DLG2: variants seen among roughly 807,000 people sequenced by gnomAD.
DLG2 encodes the protein disks large homolog 2.
DLG2 carries 45 observed loss-of-function variants against 132.5 expected under a neutral mutation model. That is an observed-to-expected ratio of 0.34 (90% confidence interval 0.27 to 0.44). The LOEUF (loss-of-function observed/expected upper bound fraction) is 0.44, where lower values mean the gene tolerates loss of function less well. Ranked by LOEUF, DLG2 falls within the 20% of genes least tolerant of loss-of-function variation. The pLI is 1.00. For synonymous variants in DLG2, 424 were observed against 419.6 expected, an observed-to-expected ratio of 1.01 and a Z score of -0.13; for missense variants, 1,045 against 1,196.9, an observed-to-expected ratio of 0.87 and a Z score of 1.87.
At chr11:85,247,712 T>C (rs1052110689) in intron 4 of DLG2, among the ~76,000 whole-genome samples, 2 of 152,090 alleles carry the variant, frequency 1.3e-5, no homozygotes, top group African/African-American at 4.8e-5. Flanking sequence ...TTTCTGTCTC[T>C]TGAAAAGTCT....
At chr11:85,610,037 G>A (rs1367012585) in intron 2 of DLG2, among the ~76,000 whole-genome samples, 1 of 152,094 alleles carries the variant, frequency 6.6e-6, no homozygotes, top group Non-Finnish European at 1.5e-5. Context: ...TCCATTTGTT[G>A]TCCCCTACTT....
At chr11:83,925,289 A>G (rs990136370) in intron 15 of DLG2, among the ~76,000 whole-genome samples, 3 of 152,132 alleles carry the variant, frequency 2.0e-5, no homozygotes, top group African/African-American at 7.2e-5. Context: ...TGTACAGGCT[A>G]TAAAAGGTTG....
At chr11:84,717,117 T>C (rs1409959834) in intron 6 of DLG2, among the ~76,000 whole-genome samples, 1 of 152,040 alleles carries the variant, frequency 6.6e-6, no homozygotes, top group South Asian at 2.1e-4. Context: ...CTGAGATAAT[T>C]AGAGCAAACA....
intron 2 of DLG2, among the ~76,000 whole-genome samples, chr11:85,605,176 A>G (rs2080440550): frequency 6.6e-6 from 1 of 152,210 alleles, no homozygotes; most frequent in African/African-American, 2.4e-5. Context: ...CTGAGAAGTC[A>G]TACCTATTTT....
At chr11:84,350,072 G>T (rs556439039) in intron 7 of DLG2, among the ~76,000 whole-genome samples, 3 of 151,554 alleles carry the variant, frequency 2.0e-5, no homozygotes, top group African/African-American at 7.3e-5. Flanking sequence ...CAGCTGCTCG[G>T]GAGGCTGAGG....
Position 84,388,872 on chromosome 11 carries a change from A to G in DLG2, c.520-137581T>C, listed in dbSNP as rs533352672. ...TGCTTAAATTTGTATTCCTTTGTTC[A>G]CTGACTACATTGAAATTCTTGGATG... On this transcript the variant is annotated intron_variant, in intron 7 of 27. Coordinates refer to ENST00000376104, the MANE Select transcript of DLG2 (RefSeq NM_001142699.3). Among the ~76,000 whole-genome samples the G allele has an allele frequency of 4.0e-4, 61 of 152,186 alleles. 1 individual carries two copies. The South Asian group carries it at 0.012, about 29-fold the overall frequency.
intron 7 of DLG2, among the ~76,000 whole-genome samples, chr11:84,301,602 T>C (rs2098154134): frequency 8.2e-6 from 1 of 122,610 alleles, no homozygotes; most frequent in Non-Finnish European, 1.6e-5. Flanking sequence ...GAGCTTGCAG[T>C]AAGCCGAGAT....
At chr11:84,147,570 A>G (rs2095131820) in intron 9 of DLG2, among the ~76,000 whole-genome samples, 1 of 152,194 alleles carries the variant, frequency 6.6e-6, no homozygotes, top group Non-Finnish European at 1.5e-5. Flanking sequence ...TCATGAGTTA[A>G]TAAAGAAAAG....
intron 7 of DLG2, among the ~76,000 whole-genome samples, chr11:84,366,097 A>G (rs2098680620): frequency 6.6e-6 from 1 of 152,162 alleles, no homozygotes; most frequent in South Asian, 2.1e-4. Flanking sequence ...GAAGCCCATC[A>G]GACTAACAGC....
intron 19 of DLG2, among the ~76,000 whole-genome samples, chr11:83,596,856 G>A (rs1394588145): frequency 2.6e-5 from 4 of 151,598 alleles, no homozygotes; most frequent in Non-Finnish European, 5.9e-5. Context: ...TATTTCAAAT[G>A]TTTCTTCTTA....
chr11:84,952,185 G>A (rs577990059), intron 6 of DLG2, among the ~76,000 whole-genome samples: 11 of 152,282 alleles, frequency 7.2e-5, no homozygotes, highest in East Asian at 1.9e-4. Flanking sequence ...AATCTAAGAC[G>A]TAAAGTAACT....
intron 6 of DLG2, among the ~76,000 whole-genome samples, chr11:84,629,209 C>T (rs972169804): frequency 1.3e-5 from 2 of 152,146 alleles, no homozygotes; most frequent in Non-Finnish European, 1.5e-5. Context: ...AATTCTGCAA[C>T]CCCTCCCCAC....
chr11:84,306,471 G>A lies in DLG2; in HGVS notation c.520-55180C>T, dbSNP rs549673413. Among the ~76,000 whole-genome samples, 11 of 152,248 alleles carry A rather than the reference G, an allele frequency of 7.2e-5. No homozygotes were observed. In the South Asian group the frequency reaches 2.3e-3, roughly 32 times the overall value. ...TGGTCTTCCAAAATGGGGAACAACT[G>A]ACAAAATTGCTAACAGAACAAAGTG... On this transcript the variant is annotated intron_variant, in intron 7 of 27. Transcript: ENST00000376104.
At chr11:85,495,920 A>AGC (rs1405730197) in intron 3 of DLG2, among the ~76,000 whole-genome samples, 1 of 152,214 alleles carries the variant, frequency 6.6e-6, no homozygotes, top group Admixed American at 6.5e-5. Context: ...AAAATGTGGC[A>AGC]CATGATTGGC....
intron 14 of DLG2, among the ~76,000 whole-genome samples, chr11:83,938,667 A>G (rs906132846): frequency 1.5e-4 from 23 of 152,204 alleles, no homozygotes; most frequent in African/African-American, 5.5e-4. Flanking sequence ...ATTTACCAAA[A>G]ACCTACTTTG....
intron 3 of DLG2, among the ~76,000 whole-genome samples, chr11:85,358,314 C>T (rs1012623007): frequency 3.9e-5 from 6 of 152,162 alleles, no homozygotes; most frequent in African/African-American, 1.4e-4. Context: ...TCTGTGTTTA[C>T]TCTCTTTCTA....
chr11:84,971,293 A>G (rs1447008629), intron 6 of DLG2, among the ~76,000 whole-genome samples: 1 of 152,086 alleles, frequency 6.6e-6, no homozygotes, highest in Non-Finnish European at 1.5e-5. Context: ...ACAGTATGCA[A>G]TCAAGCTAGA....
At chr11:85,010,207 A>G (rs2059031828) in intron 6 of DLG2, among the ~76,000 whole-genome samples, 1 of 152,122 alleles carries the variant, frequency 6.6e-6, no homozygotes, top group South Asian at 2.1e-4. Context: ...TCTATACTAT[A>G]ATAGCAACTA....
rs143776371 is a variant in DLG2, at chr11:85,193,170, C to A, written c.187-38519G>T. 6.9e-3 allele frequency among the ~76,000 whole-genome samples: 1,053 copies of A among 152,278 alleles called. 8 individuals are homozygous for A. The highest frequency in any genetic ancestry group is 0.011 in the Non-Finnish European group (777 of 68,018). ...TATTCTGGAATTTTATAAATTGAATCATATACTATATGCACTGGCTTTTTC... is the reference window on the plus strand; with the variant it reads ...TATTCTGGAATTTTATAAATTGAATAATATACTATATGCACTGGCTTTTTC... On this transcript the variant is annotated intron_variant, in intron 4 of 27. Transcript: ENST00000376104.
Sources: allele counts gnomAD v4.1 joint callset (sites outside exome capture counted in the v4.1 genomes callset), GRCh38; gene constraint gnomAD v4.1.1; transcripts MANE v1.5; gene names NCBI Gene and HGNC (gene_info 2026-07-23, HGNC 2026-07-21).